SH3GLB2: variants seen among roughly 807,000 people sequenced by gnomAD.
SH3GLB2 encodes the protein SH3 domain containing GRB2 like, endophilin B2.
In SH3GLB2, 24 loss-of-function variants were observed where a neutral mutation model predicts 48.0. The observed-to-expected ratio is 0.50, with a 90% CI of 0.36 to 0.70. The LOEUF (loss-of-function observed/expected upper bound fraction) is 0.70. Among genes scored for constraint, SH3GLB2 ranks in the 30% least tolerant of loss-of-function variants. The pLI, the probability that SH3GLB2 is intolerant of heterozygous loss-of-function variation, is 0.00. For missense variants in SH3GLB2, 425 were observed against 516.0 expected (o/e 0.82, Z 1.71); for synonymous variants, 227 against 207.6 (o/e 1.09, Z -0.80).
chr9:129,015,091 G>A (rs1843348441), intron 3 of SH3GLB2, among the ~76,000 whole-genome samples, 187 bp from the exon 4 acceptor site: 1 of 152,148 alleles, frequency 6.6e-6, no homozygotes, highest in African/African-American at 2.4e-5. Flanking sequence ...AATAAACAAT[G>A]GGACAGCCAA....
rs1199004747 is a variant in SH3GLB2, at chr9:129,007,511, A to C, written c.*1173T>G. ...TGAAGTCAGAATGCTAGGTCCTGCT[A>C]GGGGCCATCTAAAACACAGACATCA... On this transcript the variant is annotated 3_prime_UTR_variant, in exon 11 of 11. Coordinates refer to ENST00000372564, the MANE Select transcript of SH3GLB2 (RefSeq NM_020145.4). 6.6e-6 allele frequency: 1 copy of C among 152,036 alleles called. No homozygotes were observed. The highest frequency in any genetic ancestry group is 1.5e-5 in the Non-Finnish European group (1 of 67,994). The allele number at this position is 152,036 out of a possible 1,614,324, so 9.4% of individuals were successfully genotyped here. A position where few individuals can be genotyped will look rare whatever the true frequency, so the allele number is the denominator to read the frequency against.
chr9:129,026,911 G>A (rs191139045), intron 1 of SH3GLB2, among the ~76,000 whole-genome samples: 7 of 152,326 alleles, frequency 4.6e-5, no homozygotes, highest in Admixed American at 4.6e-4. Flanking sequence ...AATCCTCAGC[G>A]GGACACAGCA....
rs1843277959 is a variant in SH3GLB2, at chr9:129,014,025, C to G, written c.561+386G>C. ...CGTGGGGGCGCCTGAGCACAGGGAC[C>G]CTCGGCCTGACGTTCAAGCAGCAAG... On this transcript the variant is annotated intron_variant, in intron 5 of 10. Coordinates refer to ENST00000372564, the MANE Select transcript of SH3GLB2 (RefSeq NM_020145.4). The surrounding 1 kb of genome is among the most constrained non-coding windows in gnomAD (Gnocchi z 4.1). 2.1e-6 allele frequency: 1 copy of G among 476,096 alleles called. No individual in the cohort carries two copies. The highest frequency in any genetic ancestry group is 4.2e-6 in the Non-Finnish European group (1 of 240,420). The allele number at this position is 476,096 out of a possible 1,614,324, so 29.5% of individuals were successfully genotyped here. A position where few individuals can be genotyped will look rare whatever the true frequency, so the allele number is the denominator to read the frequency against.
intron 3 of SH3GLB2, among the ~76,000 whole-genome samples, chr9:129,016,180 TA>T (rs1843407109): frequency 6.6e-6 from 1 of 150,790 alleles, no homozygotes; most frequent in Admixed American, 6.6e-5. Flanking sequence ...TCGTCTCTAC[TA>T]AAAATACAAA....
Position 129,008,675 on chromosome 9 carries a change from G to A in SH3GLB2, c.*9C>T. ...TAGGCCAGAATGCGGGGGGGATGGG[G>A]GCACCTGCCTAGCTGAGCAGTTCCA... On this transcript the variant is annotated 3_prime_UTR_variant, in exon 11 of 11. Transcript: ENST00000372564. 1.2e-6 allele frequency: 2 copies of A among 1,610,802 alleles called. No individual in the cohort carries two copies. The highest frequency in any genetic ancestry group is 1.3e-5 in the African/African-American group (1 of 74,964).
intron 7 of SH3GLB2, 182 bp from the exon 8 acceptor site, chr9:129,010,391 G>C: frequency 1.6e-6 from 1 of 643,084 alleles, no homozygotes; most frequent in East Asian, 2.7e-5. Context: ...GCCCCACTCA[G>C]GACCCCACAG....
rs372529048 is a variant in SH3GLB2, at chr9:129,011,929, G to A, written c.624+307C>T. 21 of 330,082 alleles carry A rather than the reference G, an allele frequency of 6.4e-5. No homozygotes were observed. The highest frequency in any genetic ancestry group is 3.8e-4 in the African/African-American group (18 of 47,078). 20.4% of individuals were successfully genotyped at this position (330,082 alleles called of 1,614,324 possible). ...TTCAGAGACAGCAGGAGGTGGAGGG[G>A]CCCTGGGGATGGGACAGCTGCCGCC... On this transcript the variant is annotated intron_variant, in intron 6 of 10. Transcript: ENST00000372564. The surrounding 1 kb of genome is among the most constrained non-coding windows in gnomAD (Gnocchi z 4.5).
Position 129,022,404 on chromosome 9 carries a change from C to A in SH3GLB2, c.83G>T (p.Gly28Val), listed in dbSNP as rs762582075. 6.2e-7 allele frequency: 1 copy of A among 1,613,994 alleles called. No homozygotes were observed. Among genetic ancestry groups the A allele is most frequent in the Non-Finnish European group, 8.5e-7 (1 of 1,179,982 alleles). The part of the protein sequence containing the change: ...RAVQFTEEKF[G>V]QAEKTELDAH... Reference sequence around the variant, plus strand: ...ATCAAGCTCAGTCTTCTCAGCCTGGCCAAATTTCTCCTCCGTGAACTACGC... The same window carrying A: ...ATCAAGCTCAGTCTTCTCAGCCTGGACAAATTTCTCCTCCGTGAACTACGC... Residue 28 changes from glycine (G) to valine (V), a missense_variant, in exon 2 of 11, where the codon GGC (glycine) becomes GTC (valine). Gly to Val is a moderately radical substitution (Grantham distance 109). Coordinates refer to ENST00000372564, the MANE Select transcript of SH3GLB2 (RefSeq NM_020145.4).
Position 129,014,528 on chromosome 9 carries a change from TGAGACCCTGGGCTGCCCTGG to T in SH3GLB2, c.469-45_469-26del, listed in dbSNP as rs1843312858. On this transcript the variant is annotated intron_variant, in intron 4 of 10. Transcript: ENST00000372564. The surrounding 1 kb of genome is among the most constrained non-coding windows in gnomAD (Gnocchi z 4.1). ...TCTACAGGGCAGGGCATGGGGACAG[TGAGACCCTGGGCTGCCCTGG>T]GAGACCCTGAGCCATGCATGGCAAG... 1 of 1,550,704 alleles carries T rather than the reference TGAGACCCTGGGCTGCCCTGG, an allele frequency of 6.4e-7. No individual in the cohort carries two copies. Among genetic ancestry groups the T allele is most frequent in the Non-Finnish European group, 8.7e-7 (1 of 1,146,174 alleles).
At position 129,010,575 on chromosome 9, in the gene SH3GLB2, CAG is replaced by C; in HGVS notation, c.648+93_648+94del. 3 of 1,415,364 alleles carry C rather than the reference CAG, an allele frequency of 2.1e-6. No individual in the cohort carries two copies. The East Asian group carries it at 6.8e-5, about 32-fold the overall frequency. The allele number at this position is 1,415,364 out of a possible 1,614,324, so 87.7% of individuals were successfully genotyped here. ...TAACCCCTCCCCAGTGGGTGTGGGG[CAG>C]AGTGAGAAACAGATCAGACCCCACA... On this transcript the variant is annotated intron_variant, in intron 7 of 10. Transcript: ENST00000372564.
intron 5 of SH3GLB2, chr9:129,013,047 G>A (rs1363606519): frequency 6.4e-7 from 1 of 1,551,158 alleles, no homozygotes; most frequent in Admixed American, 2.0e-5. Context: ...AAGCAGGACG[G>A]AAAGGAACAA....
intron 1 of SH3GLB2, among the ~76,000 whole-genome samples, chr9:129,025,631 C>A (rs17452575): frequency 0.16 from 11,154 of 68,710 alleles, 1,026 homozygotes; most frequent in African/African-American, 0.33. Context: ...GGAAGGCAGG[C>A]AGGCAGGCAG....
chr9:129,027,879 G>A (rs893425250), intron 1 of SH3GLB2, among the ~76,000 whole-genome samples: 20 of 152,214 alleles, frequency 1.3e-4, no homozygotes, highest in Admixed American at 8.5e-4. Context: ...CCGGTGCCTC[G>A]CCCCAGGCAG....
intron 1 of SH3GLB2, among the ~76,000 whole-genome samples, chr9:129,027,086 G>A (rs1165205552): frequency 4.6e-5 from 7 of 152,162 alleles, no homozygotes; most frequent in Non-Finnish European, 7.4e-5. Context: ...AGAACCCTGG[G>A]ATGGGCCAGC....
chr9:129,010,360 C>T, intron 7 of SH3GLB2, 151 bp from the exon 8 acceptor site: 1 of 685,248 alleles, frequency 1.5e-6, no homozygotes, highest in Non-Finnish European at 2.5e-6. Context: ...CACCTGGAGC[C>T]CCAACCCCAG....
At position 129,014,152 on chromosome 9, in the gene SH3GLB2, G is replaced by T; in HGVS notation, c.561+259C>A. 1.6e-6 allele frequency: 1 copy of T among 611,000 alleles called. No homozygotes were observed. Among genetic ancestry groups the T allele is most frequent in the Non-Finnish European group, 3.0e-6 (1 of 330,336 alleles). 37.8% of individuals were successfully genotyped at this position (611,000 alleles called of 1,614,324 possible). Reference sequence around the variant, plus strand: ...GCATGCAGGAGACTCCAGCTGCCTGGCGGGGTGGTGCACCCAGCTGGGGGC... The same window carrying T: ...GCATGCAGGAGACTCCAGCTGCCTGTCGGGGTGGTGCACCCAGCTGGGGGC... On this transcript the variant is annotated intron_variant, in intron 5 of 10. Transcript: ENST00000372564. This position sits in a 1 kb window ranked among gnomAD's most constrained non-coding sequence, Gnocchi z 4.1.
intron 1 of SH3GLB2, among the ~76,000 whole-genome samples, chr9:129,024,853 C>A (rs1486008021): frequency 6.6e-6 from 1 of 151,532 alleles, no homozygotes; most frequent in African/African-American, 2.4e-5. Context: ...GCCTGTAATC[C>A]CAGCTACTCG....
intron 3 of SH3GLB2, among the ~76,000 whole-genome samples, chr9:129,016,925 A>G (rs1048120088): frequency 1.9e-4 from 29 of 151,758 alleles, no homozygotes; most frequent in African/African-American, 5.8e-4. Flanking sequence ...TTCAACAGTA[A>G]TAGTTGGAAA....
intron 2 of SH3GLB2, among the ~76,000 whole-genome samples, chr9:129,021,620 C>T (rs1302388821): frequency 1.3e-5 from 2 of 151,364 alleles, no homozygotes; most frequent in African/African-American, 4.9e-5. Flanking sequence ...CCTGGGTGTG[C>T]TCCGGGCAGT....
Sources: gnomAD v4.1 joint callset for allele counts (sites outside exome capture counted in the v4.1 genomes callset) on GRCh38, gnomAD v4.1.1 for gene constraint, Gnocchi (gnomAD v3.1) non-coding constraint, MANE v1.5 for transcripts, NCBI Gene and HGNC (gene_info 2026-07-23, HGNC 2026-07-21) for gene names.